SYN1: variants seen among roughly 807,000 people sequenced by gnomAD.
SYN1 encodes the protein synapsin I.
Under a neutral mutation model 44.6 loss-of-function variants are expected in SYN1, and 8 were observed. That is an observed-to-expected ratio of 0.18 (90% confidence interval 0.11 to 0.32). SYN1 has a LOEUF of 0.32. SYN1 is among the 10% of genes least tolerant of loss of function. SYN1 has a pLI of 1.00. For synonymous variants in SYN1, 275 were observed against 280.1 expected, an observed-to-expected ratio of 0.98 and a Z score of 0.18; for missense variants, 451 against 639.4, an observed-to-expected ratio of 0.71 and a Z score of 3.18.
At position 47,589,277 on chromosome X, in the gene SYN1, A is replaced by G. The variant is rs1366903177; in HGVS notation, c.775-11776T>C. 8.6e-4 allele frequency among the ~76,000 whole-genome samples: 70 copies of G among 81,135 alleles called. 1 individual carries two copies. Among genetic ancestry groups the G allele is most frequent in the Non-Finnish European group, 2.0e-4 (9 of 44,404 alleles). The allele number at this position is 81,135 out of a possible 115,157, so 70.5% of individuals were successfully genotyped here. On this transcript the variant is annotated intron_variant, in intron 5 of 12. Coordinates refer to ENST00000295987, the MANE Select transcript of SYN1 (RefSeq NM_006950.3). ...ATGCCACTGCACCCCAGGCTGGGGG[A>G]TAGAGCAAGACTGTCTCAAAAAAAA...
chrX:47,599,574 T>C (rs2057873769), intron 5 of SYN1, among the ~76,000 whole-genome samples: 1 of 112,798 alleles, frequency 8.9e-6, no homozygotes, highest in African/African-American at 3.2e-5. Flanking sequence ...ACATTTTCAA[T>C]GATTGAGAAT....
chrX:47,589,595 C>CA (rs779225789), intron 5 of SYN1, among the ~76,000 whole-genome samples: 666 of 29,378 alleles, frequency 0.023, 18 homozygotes, highest in Admixed American at 0.085. Context: ...GACTCCGTCT[C>CA]AAAAAAAAAA....
chrX:47,607,413 T>A (rs1309667896), intron 1 of SYN1, among the ~76,000 whole-genome samples: 1 of 112,062 alleles, frequency 8.9e-6, no homozygotes, highest in Non-Finnish European at 1.9e-5. Context: ...CATTGCAAAC[T>A]GTAAAATGTG....
At chrX:47,580,874 C>CA (rs1164711227) in intron 5 of SYN1, among the ~76,000 whole-genome samples, 2 of 109,539 alleles carry the variant, frequency 1.8e-5, no homozygotes, top group African/African-American at 6.7e-5. Context: ...GCGGAGGTTG[C>CA]AGTGAGCTGA....
At chrX:47,595,228 T>G (rs1034729781) in intron 5 of SYN1, among the ~76,000 whole-genome samples, 3 of 111,837 alleles carry the variant, frequency 2.7e-5, no homozygotes, top group African/African-American at 9.8e-5. Flanking sequence ...CTGTATCCTT[T>G]GTAATGTAAT....
chrX:47,598,284 A>G, intron 5 of SYN1, among the ~76,000 whole-genome samples: 1 of 112,247 alleles, frequency 8.9e-6, no homozygotes, highest in East Asian at 2.8e-4. Context: ...GGAGGGATGA[A>G]GGAATAAAGT....
chrX:47,606,947 C>T lies in SYN1; in HGVS notation c.525G>A (p.Val175=), dbSNP rs773245442. 3.3e-6 allele frequency: 4 copies of T among 1,208,869 alleles called. No individual in the cohort carries two copies. The highest frequency in any genetic ancestry group is 3.5e-5 in the South Asian group (2 of 56,807). The change falls in exon 3 of 13, where the codon GTG becomes GTA. Residue 175 remains valine (V), a splice_region_variant and synonymous_variant. Coordinates refer to ENST00000295987, the MANE Select transcript of SYN1 (RefSeq NM_006950.3). The part of the protein sequence containing the change: ...MEVLRNGVKV[V]RSLKPDFVLI... ...CAAGGTACCCTTCTTATACTCACCG[C>T]ACGACCTTCACCCCATTCCGAAGAA...
chrX:47,583,119 C>G (rs1227014598), intron 5 of SYN1, among the ~76,000 whole-genome samples: 1 of 97,706 alleles, frequency 1.0e-5, no homozygotes, highest in African/African-American at 3.8e-5. Context: ...TCCCCAATCC[C>G]CTCATTCCTC....
At position 47,586,675 on chromosome X, in the gene SYN1, G is replaced by A. The variant is rs188206458; in HGVS notation, c.775-9174C>T. Reference sequence around the variant, plus strand: ...GGGCTGTGCACCTGGCAGTCCCTGCGGTCCCAGATAGCCTGAATCCTGCCC... The same window carrying A: ...GGGCTGTGCACCTGGCAGTCCCTGCAGTCCCAGATAGCCTGAATCCTGCCC... On this transcript the variant is annotated intron_variant, in intron 5 of 12. Transcript: ENST00000295987. 39 of 1,208,311 alleles carry A rather than the reference G, an allele frequency of 3.2e-5. No homozygotes were observed. The highest frequency in any genetic ancestry group is 3.0e-4 in the African/African-American group (17 of 57,472).
chrX:47,619,682 T>C lies in SYN1; in HGVS notation c.47A>G (p.Asn16Ser), dbSNP rs1289234549. Residue 16 changes from asparagine to serine, a missense_variant, in exon 1 of 13, where the codon AAT becomes AGT. Coordinates refer to ENST00000295987, the MANE Select transcript of SYN1 (RefSeq NM_006950.3). ...RRLSDSNFMA[N>S]LPNGYMTDLQ... ...GTCTGTCATGTACCCATTTGGCAGATTGGCCATAAAGTTGCTGTCCGACAG... is the reference window on the plus strand; with the variant it reads ...GTCTGTCATGTACCCATTTGGCAGACTGGCCATAAAGTTGCTGTCCGACAG... The C allele has an allele frequency of 3.4e-6, 4 of 1,170,220 alleles. No homozygotes were observed. Among genetic ancestry groups the C allele is most frequent in the South Asian group, 1.9e-5 (1 of 52,920 alleles).
At chrX:47,606,812 G>A in intron 3 of SYN1, 133 bp downstream of exon 3, 1 of 604,943 alleles carries the variant, frequency 1.7e-6, no homozygotes, top group Non-Finnish European at 2.6e-6. Context: ...CTGAAGAAAA[G>A]TTGTCTCCCC....
intron 5 of SYN1, among the ~76,000 whole-genome samples, chrX:47,589,294 C>A (rs868586823): frequency 1.5e-3 from 90 of 59,838 alleles, no homozygotes; most frequent in Middle Eastern, 0.014. Flanking sequence ...AAGACTGTCT[C>A]AAAAAAAAAA....
chrX:47,575,882 G>T (rs932389192), intron 9 of SYN1, among the ~76,000 whole-genome samples: 1 of 112,125 alleles, frequency 8.9e-6, no homozygotes, highest in Non-Finnish European at 1.9e-5. Flanking sequence ...CATTCACCAA[G>T]ATGTCTCGAT....
At chrX:47,607,295 A>G in intron 1 of SYN1, 97 bp from the exon 2 acceptor site, 1 of 736,197 alleles carries the variant, frequency 1.4e-6, no homozygotes. Flanking sequence ...ATGCTACTAA[A>G]GAAACCACAA....
intron 1 of SYN1, among the ~76,000 whole-genome samples, chrX:47,609,166 A>G (rs908864495): frequency 9.0e-6 from 1 of 111,356 alleles, no homozygotes; most frequent in Non-Finnish European, 1.9e-5. Context: ...TTTTCTGACC[A>G]TAAGTGTAGT....
At chrX:47,607,333 G>T in intron 1 of SYN1, 135 bp from the exon 2 acceptor site, 1 of 547,725 alleles carries the variant, frequency 1.8e-6, no homozygotes, top group Non-Finnish European at 2.9e-6. Flanking sequence ...GAAATATTTT[G>T]AAAAAATCAA....
chrX:47,607,742 A>AAC (rs2057902800), intron 1 of SYN1, among the ~76,000 whole-genome samples: 2 of 107,937 alleles, frequency 1.9e-5, no homozygotes, highest in African/African-American at 3.4e-5. Flanking sequence ...AAAAAAAAAA[A>AAC]AAACAAAAGC....
intron 5 of SYN1, among the ~76,000 whole-genome samples, chrX:47,593,343 C>T (rs2057854192): frequency 9.3e-6 from 1 of 107,573 alleles, no homozygotes; most frequent in Non-Finnish European, 1.9e-5. Flanking sequence ...GATCTCAGCT[C>T]ACTCAACCTC....
chrX:47,611,264 T>C (rs1446320340), intron 1 of SYN1, among the ~76,000 whole-genome samples: 2 of 111,970 alleles, frequency 1.8e-5, no homozygotes, highest in Non-Finnish European at 3.8e-5. Context: ...TGGAAATCAA[T>C]GCCACATTGA....
Sources: gnomAD v4.1 joint callset for allele counts (sites outside exome capture counted in the v4.1 genomes callset) on GRCh38, gnomAD v4.1.1 for gene constraint, MANE v1.5 for transcripts, NCBI Gene and HGNC (gene_info 2026-07-23, HGNC 2026-07-21) for gene names.